The following ZBED6 variants were observed in gnomAD, a reference collection of about 807,000 sequenced individuals.
ZBED6 encodes zinc finger BED domain-containing protein 6.
ZBED6 carries 40 observed loss-of-function variants against 58.4 expected under a neutral mutation model. The ratio of observed to expected loss-of-function variants is 0.68; its 90% confidence interval spans 0.53 to 0.89. ZBED6 has a LOEUF of 0.89. Among genes scored for constraint, ZBED6 ranks in the 40% least tolerant of loss-of-function variants. The pLI, the probability that ZBED6 is intolerant of heterozygous loss-of-function variation, is 0.00. For missense variants in ZBED6, 1,057 were observed against 1,003.9 expected (o/e 1.05, Z -0.71); for synonymous variants, 439 against 350.6 (o/e 1.25, Z -2.82).
exon 15 of ZBED6, chr1:203,850,674 C>T: frequency 6.2e-7 from 1 of 1,613,838 alleles, no homozygotes; most frequent in Non-Finnish European, 8.5e-7. Flanking sequence ...GCCAAAAAGG[C>T]AGCTGTGGTA....
chr1:203,850,130 T>G (rs1688915143), intron 14 of ZBED6, 104 bp downstream of exon 14: 1 of 1,004,152 alleles, frequency 1.0e-6, no homozygotes, highest in Non-Finnish European at 1.5e-6. Context: ...GAATTTCATT[T>G]GCCTTCTATC....
At chr1:203,813,322 T>C (rs908512093) in intron 1 of ZBED6, among the ~76,000 whole-genome samples, 5 of 152,124 alleles carry the variant, frequency 3.3e-5, no homozygotes, top group African/African-American at 4.8e-5. Flanking sequence ...TTCTCTTGCC[T>C]CAGCCTCCTC....
intron 2 of ZBED6, among the ~76,000 whole-genome samples, chr1:203,818,344 G>A (rs904481379): frequency 2.0e-5 from 3 of 151,978 alleles, no homozygotes; most frequent in African/African-American, 7.2e-5. Flanking sequence ...TTTTCAGCTT[G>A]TGTCACTCAT....
At chr1:203,851,996 G>T (rs567500408) in intron 16 of ZBED6, 145 bp from the exon 17 acceptor site, 201 of 175,206 alleles carry the variant, frequency 1.1e-3, no homozygotes, top group Non-Finnish European at 1.8e-3. Context: ...AAAAAAAAAA[G>T]CTTGATCCCA....
chr1:203,831,697 C>T (rs1173699717), exon 8 of ZBED6: 1 of 1,613,108 alleles, frequency 6.2e-7, no homozygotes, highest in Non-Finnish European at 8.5e-7. Flanking sequence ...TTACTCCACC[C>T]TGAGCCCGTT....
At chr1:203,808,029 A>C (rs1672979312) in intron 1 of ZBED6, among the ~76,000 whole-genome samples, 1 of 152,118 alleles carries the variant, frequency 6.6e-6, no homozygotes, top group Non-Finnish European at 1.5e-5. Flanking sequence ...GATGTGAGCC[A>C]CCATGCCTGG....
chr1:203,821,037 C>T (rs1379654502), intron 3 of ZBED6, among the ~76,000 whole-genome samples: 1 of 152,144 alleles, frequency 6.6e-6, no homozygotes, highest in Admixed American at 6.5e-5. Context: ...TCTGTATCCT[C>T]ACCTGAATCT....
exon 1 of ZBED6, chr1:203,802,212 TAC>T (rs1171454948): frequency 6.6e-6 from 1 of 152,626 alleles, no homozygotes; most frequent in Non-Finnish European, 1.5e-5. Flanking sequence ...TGGATATATA[TAC>T]ATACATCCAT....
Position 203,829,772 on chromosome 1 carries a change from A to T in ZBED6, c.*3202-8A>T. 3 of 1,613,792 alleles carry T rather than the reference A, an allele frequency of 1.9e-6. No homozygotes were observed. The highest frequency in any genetic ancestry group is 2.5e-6 in the Non-Finnish European group (3 of 1,179,676). On this transcript the variant is annotated splice_region_variant and splice_polypyrimidine_tract_variant and intron_variant, in intron 5 of 16. Transcript: ENST00000550078. ...AATTGTGAATTTGCCTTAAATGTTG[A>T]TATATAGATCAGTTTTCTGAGGAAG...
In ZBED6 at chr1:203,798,126, G is replaced by C. The variant is rs1181990498; in HGVS notation, c.604G>C (p.Asp202His). 2.0e-6 allele frequency: 3 copies of C among 1,536,130 alleles called. No homozygotes were observed. The East Asian group carries it at 7.3e-5, about 38-fold the overall frequency. Residue 202 changes from aspartate (D) to histidine (H), a missense_variant, in exon 1 of 17, where the codon GAT (aspartate) becomes CAT (histidine). Physicochemically the swap from Asp to His is moderately conservative, Grantham distance 81. Coordinates refer to ENST00000550078, the Ensembl canonical transcript of ZBED6. ...TAGTGGAGAGGAGGACTTTACCTTG[G>C]ATGTGTCTTTATCTCCCTCTTCTGG...
At chr1:203,797,200 G>C (rs1668816619) in exon 1 of ZBED6, 1 of 177,958 alleles carries the variant, frequency 5.6e-6, no homozygotes, top group African/African-American at 2.4e-5. Flanking sequence ...GCTTCTAGCT[G>C]CTACTAACCA....
Position 203,842,456 on chromosome 1 carries a change from A to G in ZBED6, c.*3741+2082A>G, listed in dbSNP as rs572730767. On this transcript the variant is annotated intron_variant, in intron 11 of 16. Coordinates refer to ENST00000550078, the Ensembl canonical transcript of ZBED6. ...CACCAAAACATGCAAACACCAGTCA[A>G]GTGTGGCGGCGCGCGCCTGCAATCC... 5.9e-5 allele frequency among the ~76,000 whole-genome samples: 9 copies of G among 152,060 alleles called. No homozygotes were observed. In the East Asian group the frequency reaches 1.7e-3, roughly 30 times the overall value.
At chr1:203,797,705 A>G (rs766054767) in exon 1 of ZBED6, 1 of 1,534,930 alleles carries the variant, frequency 6.5e-7, no homozygotes, top group South Asian at 1.2e-5. Context: ...AGCCTGCTAA[A>G]AAGAAAAGAA....
intron 16 of ZBED6, among the ~76,000 whole-genome samples, 161 bp downstream of exon 16, chr1:203,851,285 C>G (rs1317581577): frequency 2.0e-5 from 3 of 152,176 alleles, no homozygotes; most frequent in Non-Finnish European, 4.4e-5. Context: ...TGCTGTTCTT[C>G]TTTGGTGCCA....
rs1223265000 is a variant in ZBED6, at chr1:203,799,562, T to G, written c.2040T>G (p.Leu680=). The change falls in exon 1 of 17, where the codon CTT becomes CTG. Residue 680 remains leucine (L), a synonymous_variant. Transcript: ENST00000550078. ...CCAGTGGAGTTGTGCTCACCTCCCT[T>G]CAGTGGACTCTAATGACTTATGTTT... The G allele has an allele frequency of 4.3e-6, 3 of 702,932 alleles. No homozygotes were observed. In the African/African-American group the frequency reaches 5.2e-5, roughly 12 times the overall value. 43.5% of individuals were successfully genotyped at this position (702,932 alleles called of 1,614,324 possible).
intron 8 of ZBED6, 84 bp downstream of exon 8, chr1:203,831,855 T>G: frequency 1.8e-6 from 2 of 1,136,618 alleles, no homozygotes; most frequent in Non-Finnish European, 1.3e-6. Flanking sequence ...TCTTTTACCT[T>G]TGATGAATTT....
At chr1:203,829,305 C>T in intron 4 of ZBED6, 146 bp from the exon 5 acceptor site, 2 of 772,148 alleles carry the variant, frequency 2.6e-6, no homozygotes, top group Non-Finnish European at 4.2e-6. Context: ...CTTTTCCCTC[C>T]CTGGGACTTT....
At chr1:203,833,618 GTTTTTT>G (rs553171669) in intron 8 of ZBED6, among the ~76,000 whole-genome samples, 167 bp from the exon 9 acceptor site, 2 of 124,832 alleles carry the variant, frequency 1.6e-5, no homozygotes, top group Admixed American at 1.7e-4. Context: ...ATAGGTTTGG[GTTTTTT>G]TTTTTTTTTT....
intron 12 of ZBED6, 45 bp downstream of exon 12, chr1:203,847,732 T>C (rs1301609521): frequency 6.3e-7 from 1 of 1,581,300 alleles, no homozygotes; most frequent in Non-Finnish European, 8.6e-7. Context: ...CCACATAATA[T>C]TCCAGAGGAG....
Sources: gnomAD v4.1 joint callset for allele counts (sites outside exome capture counted in the v4.1 genomes callset) on GRCh38, gnomAD v4.1.1 for gene constraint, MANE v1.5 for transcripts, NCBI Gene and HGNC (gene_info 2026-07-23, HGNC 2026-07-21) for gene names.